The following SLC9A7 variants were observed in gnomAD, a reference collection of about 807,000 sequenced individuals.
SLC9A7 encodes the protein solute carrier family 9 member A7.
In SLC9A7, 19 loss-of-function variants were observed where a neutral mutation model predicts 52.6. The ratio of observed to expected loss-of-function variants is 0.36; its 90% CI spans 0.25 to 0.53. The LOEUF (loss-of-function observed/expected upper bound fraction) is 0.53. Among genes scored for constraint, SLC9A7 ranks in the 20% least tolerant of loss-of-function variants. The probability of loss-of-function intolerance (pLI) is 0.91; values close to 1 mark genes in which losing one functional copy is unlikely to be tolerated. For synonymous variants in SLC9A7, 226 were observed against 252.1 expected (o/e 0.90, Z 0.98); for missense variants, 455 against 597.9 (o/e 0.76, Z 2.49).
chrX:46,693,779 A>T (rs1043441897), intron 1 of SLC9A7, among the ~76,000 whole-genome samples: 20 of 111,050 alleles, frequency 1.8e-4, no homozygotes, highest in African/African-American at 6.5e-4. Flanking sequence ...ATCAAAATTC[A>T]AAACTTTTGT....
Position 46,602,967 on chromosome X carries a change from C to T in SLC9A7, c.*3985G>A, listed in dbSNP as rs1038956257. On this transcript the variant is annotated 3_prime_UTR_variant, in exon 17 of 17. Coordinates refer to ENST00000616978, the MANE Select transcript of SLC9A7 (RefSeq NM_001257291.2). Reference sequence around the variant, plus strand: ...GACCAAAGTGCCTTACTTTGATTCACCAAATATTTGTAATCAAATAAGGAC... The same window carrying T: ...GACCAAAGTGCCTTACTTTGATTCATCAAATATTTGTAATCAAATAAGGAC... 1.8e-5 allele frequency: 2 copies of T among 112,497 alleles called. No individual in the cohort carries two copies. Among genetic ancestry groups the T allele is most frequent in the South Asian group, 3.7e-4 (1 of 2,738 alleles). The allele number at this position is 112,497 out of a possible 1,213,427, so 9.3% of individuals were successfully genotyped here. A position where few individuals can be genotyped will look rare whatever the true frequency, so the allele number is the denominator to read the frequency against.
intron 1 of SLC9A7, among the ~76,000 whole-genome samples, chrX:46,756,446 G>C (rs1922673962): frequency 8.9e-6 from 1 of 112,034 alleles, no homozygotes; most frequent in Non-Finnish European, 1.9e-5. Flanking sequence ...CTTAAATGCA[G>C]ACAATTTTTT....
At chrX:46,631,470 G>T in intron 14 of SLC9A7, 116 bp downstream of exon 14, 1 of 562,360 alleles carries the variant, frequency 1.8e-6, no homozygotes, top group Non-Finnish European at 3.0e-6. Context: ...GGGGAGAGCA[G>T]TACACGCTTC....
chrX:46,677,853 GTTTTTCATT>G (rs1419160603), intron 3 of SLC9A7, among the ~76,000 whole-genome samples: 2 of 112,011 alleles, frequency 1.8e-5, no homozygotes, highest in Non-Finnish European at 3.8e-5. Context: ...GTGTGGAAAG[GTTTTTCATT>G]ATAAACTCAA....
intron 7 of SLC9A7, among the ~76,000 whole-genome samples, chrX:46,660,557 G>A (rs1397162827): frequency 2.7e-5 from 3 of 110,867 alleles, no homozygotes; most frequent in African/African-American, 9.9e-5. Flanking sequence ...AAAAGTGGGT[G>A]AAGGACATGA....
chrX:46,738,769 C>CA (rs34032704), intron 1 of SLC9A7, among the ~76,000 whole-genome samples: 1,872 of 89,479 alleles, frequency 0.021, 39 homozygotes, highest in African/African-American at 0.058. Flanking sequence ...GACTCCATCT[C>CA]AAAAAAAAAA....
chrX:46,731,432 T>TATATAAAAAAAAAAAAAAAAAAAAAA (rs748259550), intron 1 of SLC9A7, among the ~76,000 whole-genome samples: 2 of 78,248 alleles, frequency 2.6e-5, no homozygotes, highest in African/African-American at 8.0e-5. Flanking sequence ...TATAAAAAAT[T>TATATAAAAAAAAAAAAAAAAAAAAAA]AAAAAAAATT....
intron 1 of SLC9A7, chrX:46,725,190 T>C: frequency 1.1e-6 from 1 of 892,974 alleles, no homozygotes; most frequent in Non-Finnish European, 1.6e-6. Context: ...CAATCCAAAT[T>C]CATCCACCAG....
chrX:46,671,981 C>T (rs1290008971), intron 4 of SLC9A7, among the ~76,000 whole-genome samples: 1 of 112,271 alleles, frequency 8.9e-6, no homozygotes, highest in Non-Finnish European at 1.9e-5. Flanking sequence ...TTCTTCTGCA[C>T]AGGAGATTTG....
chrX:46,612,899 T>C (rs943413281), intron 16 of SLC9A7, among the ~76,000 whole-genome samples: 3 of 81,778 alleles, frequency 3.7e-5, no homozygotes, highest in Non-Finnish European at 4.3e-5. Flanking sequence ...CACTCCAGCC[T>C]GGGCGACAGA....
chrX:46,732,285 C>T (rs954556834), intron 1 of SLC9A7, among the ~76,000 whole-genome samples: 3 of 109,859 alleles, frequency 2.7e-5, no homozygotes, highest in Non-Finnish European at 3.8e-5. Context: ...GGCATGGTGG[C>T]TCATGCCTGT....
At position 46,729,187 on chromosome X, in the gene SLC9A7, G is replaced by A. The variant is rs1944988573; in HGVS notation, c.325+29518C>T. Among the ~76,000 whole-genome samples the A allele has an allele frequency of 2.7e-5, 3 of 112,190 alleles. 1 individual carries two copies. The highest frequency in any genetic ancestry group is 9.4e-5 in the Admixed American group (1 of 10,595). ...TTTAAAAAATAGGTAAACAGCCAGT[G>A]AATATTTGAGTGAATTAATGAATGA... On this transcript the variant is annotated intron_variant, in intron 1 of 16. Transcript: ENST00000616978.
chrX:46,756,885 T>C (rs367626596), intron 1 of SLC9A7, among the ~76,000 whole-genome samples: 1 of 112,026 alleles, frequency 8.9e-6, no homozygotes, highest in East Asian at 2.8e-4. Context: ...TAAAAGTACG[T>C]ATCAGCAAAG....
rs188608781 is a variant in SLC9A7, at chrX:46,646,883, C to T, written c.1462+1803G>A. ...GCTCTGGCAGAAGTGTCCTTCAGAC[C>T]CTCACAAGAGGGTAGCTGATCTTCA... On this transcript the variant is annotated intron_variant, in intron 11 of 16. Coordinates refer to ENST00000616978, the MANE Select transcript of SLC9A7 (RefSeq NM_001257291.2). 931 of 315,174 alleles carry T rather than the reference C, an allele frequency of 3.0e-3. 8 individuals are homozygous for T. Among genetic ancestry groups the T allele is most frequent in the South Asian group, 0.019 (527 of 28,256 alleles). The allele number at this position is 315,174 out of a possible 1,213,427, so 26.0% of individuals were successfully genotyped here. A position where few individuals can be genotyped will look rare whatever the true frequency, so the allele number is the denominator to read the frequency against.
intron 1 of SLC9A7, among the ~76,000 whole-genome samples, chrX:46,698,014 G>A (rs1325540984): frequency 1.8e-5 from 2 of 111,304 alleles, no homozygotes; most frequent in African/African-American, 6.5e-5. Context: ...ATTAGGAAGA[G>A]GAAATTCCCG....
chrX:46,736,505 T>G (rs771661888), intron 1 of SLC9A7, among the ~76,000 whole-genome samples: 3 of 112,221 alleles, frequency 2.7e-5, no homozygotes, highest in Non-Finnish European at 5.6e-5. Flanking sequence ...GATGGTCAGA[T>G]ATTTTGTATC....
intron 1 of SLC9A7, among the ~76,000 whole-genome samples, chrX:46,717,522 C>T (rs1182763898): frequency 9.0e-6 from 1 of 110,985 alleles, no homozygotes; most frequent in Admixed American, 9.6e-5. Context: ...TGGAATTACA[C>T]ATGTGCGCCA....
chrX:46,752,693 A>G (rs1374610256), intron 1 of SLC9A7, among the ~76,000 whole-genome samples: 1 of 110,929 alleles, frequency 9.0e-6, no homozygotes, highest in African/African-American at 3.3e-5. Context: ...ATACCATGAT[A>G]CTAGATAGTC....
intron 5 of SLC9A7, among the ~76,000 whole-genome samples, chrX:46,663,828 AGG>A (rs1943872665): frequency 9.1e-6 from 1 of 109,324 alleles, no homozygotes; most frequent in Non-Finnish European, 1.9e-5. Context: ...GTGTGGTGGC[AGG>A]CGCCTGTAAT....
Sources: gnomAD v4.1 joint callset for allele counts (sites outside exome capture counted in the v4.1 genomes callset) on GRCh38, gnomAD v4.1.1 for gene constraint, MANE v1.5 for transcripts, NCBI Gene and HGNC (gene_info 2026-07-23, HGNC 2026-07-21) for gene names.